The following STARD8 variants were observed in gnomAD, a reference collection of about 807,000 sequenced individuals.
STARD8 encodes the protein stAR-related lipid transfer protein 8.
A neutral mutation model predicts 69.4 loss-of-function variants in STARD8; 25 were observed. That is an observed-to-expected ratio of 0.36 (90% CI 0.26 to 0.50). STARD8 has a LOEUF of 0.50. STARD8 is among the 20% of genes least tolerant of loss of function. The pLI is 0.96. For synonymous variants in STARD8, 389 were observed against 374.6 expected, an observed-to-expected ratio of 1.04 and a Z score of -0.45; for missense variants, 921 against 932.5, an observed-to-expected ratio of 0.99 and a Z score of 0.16.
In STARD8 at chrX:68,691,026, A is replaced by T. The variant is rs1173298516; in HGVS notation, c.80-21888A>T. ...ATTTGTACCCAGGCCATCTTGCTCC[A>T]GTGTTCATTATACTCCCTCTTGTGG... On this transcript the variant is annotated intron_variant, in intron 2 of 14. Transcript: ENST00000374599. 5.4e-5 allele frequency among the ~76,000 whole-genome samples: 6 copies of T among 111,778 alleles called. No homozygotes were observed. The Admixed American group carries it at 5.7e-4, about 11-fold the overall frequency.
intron 1 of STARD8, among the ~76,000 whole-genome samples, chrX:68,657,712 G>A (rs1176988624): frequency 9.0e-6 from 1 of 111,234 alleles, no homozygotes; most frequent in African/African-American, 3.3e-5. Flanking sequence ...TGGAAATGGG[G>A]ATGGGGACCC....
intron 1 of STARD8, among the ~76,000 whole-genome samples, chrX:68,652,879 C>CACCACACACACA (rs1351936841): frequency 8.9e-4 from 1 of 1,125 alleles, no homozygotes; most frequent in Non-Finnish European, 1.8e-3. Context: ...ACACCCACAC[C>CACCACACACACA]CCACACACAC....
chrX:68,715,367 C>T lies in STARD8; in HGVS notation c.225C>T (p.Ala75=), dbSNP rs1360707136. Reference sequence around the variant, plus strand: ...TTCTGGACGAGGACTCTTTGGGGGCCCTGTGTAGGTAGGTGGGCTGAGGGC... The same window carrying T: ...TTCTGGACGAGGACTCTTTGGGGGCTCTGTGTAGGTAGGTGGGCTGAGGGC... ...HGFLDEDSLG[A]LCRRLMTLNN... is the part of the protein sequence containing the mutation. Residue 75 remains alanine, a synonymous_variant, in exon 4 of 15, where the codon GCC becomes GCT. Transcript: ENST00000374599. 1.7e-6 allele frequency: 2 copies of T among 1,205,687 alleles called. No homozygotes were observed. The highest frequency in any genetic ancestry group is 2.2e-6 in the Non-Finnish European group (2 of 892,349).
intron 2 of STARD8, among the ~76,000 whole-genome samples, chrX:68,668,672 C>T (rs1295724974): frequency 9.0e-6 from 1 of 111,111 alleles, no homozygotes; most frequent in Non-Finnish European, 1.9e-5. Context: ...GCTGCCCAGG[C>T]CCAAAAGAAT....
intron 1 of STARD8, among the ~76,000 whole-genome samples, chrX:68,661,785 A>G (rs1018975822): frequency 2.7e-5 from 3 of 110,690 alleles, no homozygotes; most frequent in African/African-American, 9.9e-5. Flanking sequence ...TTGTCTATAT[A>G]TTGGTCCCCT....
At chrX:68,696,916 CA>C (rs1243187959) in intron 2 of STARD8, among the ~76,000 whole-genome samples, 3 of 110,676 alleles carry the variant, frequency 2.7e-5, no homozygotes, top group Non-Finnish European at 3.8e-5. Context: ...GTGAGGACTT[CA>C]AAAAAATTAT....
At chrX:68,662,908 A>G (rs771396400) in intron 1 of STARD8, among the ~76,000 whole-genome samples, 21 of 112,235 alleles carry the variant, frequency 1.9e-4, no homozygotes, top group Non-Finnish European at 2.4e-4. Flanking sequence ...GGCAGGGAAT[A>G]TGTCTGATCT....
At chrX:68,720,487 G>C (rs1602616463) in intron 8 of STARD8, 64 bp downstream of exon 8, 2 of 1,088,883 alleles carry the variant, frequency 1.8e-6, no homozygotes, top group East Asian at 6.7e-5. Context: ...TGGGCATTGG[G>C]CTGAAGGCTG....
rs771341485 is a variant in STARD8 at position 68,656,780 on chromosome X, T to C, written c.46-8719T>C. On this transcript the variant is annotated intron_variant, in intron 1 of 14. Transcript: ENST00000374599. ...AGGACAAAAAACCAAACACCGCATGTTCTCACTCATGGGTGGGAATTGAAC... is the reference window on the plus strand; with the variant it reads ...AGGACAAAAAACCAAACACCGCATGCTCTCACTCATGGGTGGGAATTGAAC... 2.4e-4 allele frequency among the ~76,000 whole-genome samples: 27 copies of C among 111,008 alleles called. 1 individual carries two copies. Among genetic ancestry groups the C allele is most frequent in the African/African-American group, 8.2e-4 (25 of 30,512 alleles).
intron 1 of STARD8, among the ~76,000 whole-genome samples, chrX:68,652,238 A>G (rs1430935644): frequency 9.0e-6 from 1 of 111,273 alleles, no homozygotes; most frequent in Non-Finnish European, 1.9e-5. Flanking sequence ...GAAACTGTGT[A>G]CTAGAGGCAC....
intron 3 of STARD8, 74 bp from the exon 4 acceptor site, chrX:68,715,220 T>C: frequency 2.1e-6 from 2 of 954,410 alleles, no homozygotes; most frequent in Non-Finnish European, 1.4e-6. Context: ...GCCGTTCCCT[T>C]CCAGCCCAAG....
intron 2 of STARD8, among the ~76,000 whole-genome samples, chrX:68,675,340 C>T (rs1440265208): frequency 4.5e-5 from 5 of 110,893 alleles, no homozygotes; most frequent in African/African-American, 1.3e-4. Flanking sequence ...GTGATCCACC[C>T]GTCTCAGCTT....
At chrX:68,653,205 A>C (rs1300561293) in intron 1 of STARD8, among the ~76,000 whole-genome samples, 2 of 27,842 alleles carry the variant, frequency 7.2e-5, no homozygotes, top group African/African-American at 3.1e-4. Flanking sequence ...TCACACACAC[A>C]CCACACCACA....
chrX:68,680,163 AC>A (rs2079792552), intron 2 of STARD8, among the ~76,000 whole-genome samples: 1 of 111,534 alleles, frequency 9.0e-6, no homozygotes, highest in Non-Finnish European at 1.9e-5. Flanking sequence ...ATCCCTTCTG[AC>A]CTGATCTCGT....
At chrX:68,721,999 T>C in intron 10 of STARD8, 48 bp from the exon 11 acceptor site, 1 of 1,094,092 alleles carries the variant, frequency 9.1e-7, no homozygotes, top group Non-Finnish European at 1.2e-6. Flanking sequence ...CCATCTTGTC[T>C]TGTGCTCTTG....
At chrX:68,674,700 G>C (rs1445984033) in intron 2 of STARD8, among the ~76,000 whole-genome samples, 2 of 111,122 alleles carry the variant, frequency 1.8e-5, no homozygotes, top group East Asian at 5.7e-4. Context: ...AAACCTCTGG[G>C]TCTGAATTCT....
intron 4 of STARD8, among the ~76,000 whole-genome samples, chrX:68,715,715 C>T (rs368081216): frequency 6.3e-5 from 7 of 111,827 alleles, no homozygotes; most frequent in Admixed American, 9.5e-5. Context: ...AGGCTTCAGC[C>T]TAACTGGCTT....
At chrX:68,685,329 G>A (rs1396769354) in intron 2 of STARD8, among the ~76,000 whole-genome samples, 2 of 111,877 alleles carry the variant, frequency 1.8e-5, no homozygotes, top group African/African-American at 6.5e-5. Context: ...GCCCTATTAG[G>A]ATGTTGGTCC....
intron 2 of STARD8, among the ~76,000 whole-genome samples, chrX:68,683,107 C>T (rs2079810620): frequency 8.9e-6 from 1 of 112,211 alleles, no homozygotes; most frequent in African/African-American, 3.2e-5. Flanking sequence ...AAAGGGGCAG[C>T]AGGGAGCCCC....
Sources: gnomAD v4.1 joint callset for allele counts (sites outside exome capture counted in the v4.1 genomes callset) on GRCh38, gnomAD v4.1.1 for gene constraint, MANE v1.5 for transcripts, NCBI Gene and HGNC (gene_info 2026-07-23, HGNC 2026-07-21) for gene names.